LSM2: variants seen among roughly 807,000 people sequenced by gnomAD.
The protein encoded by LSM2 is LSM2 homolog, U6 small nuclear RNA and mRNA degradation associated.
LSM2 carries 12 observed loss-of-function variants against 17.0 expected under a neutral mutation model. That is an observed-to-expected ratio of 0.70 (90% CI 0.45 to 1.14). The LOEUF is 1.14. Among genes scored for constraint, LSM2 ranks in the 50% most tolerant of loss-of-function variants. The pLI is 0.00. For synonymous variants in LSM2, 42 were observed against 44.5 expected, an observed-to-expected ratio of 0.94 and a Z score of 0.22; for missense variants, 62 against 111.8, an observed-to-expected ratio of 0.55 and a Z score of 2.01.
At chr6:31,805,939 A>T in intron 2 of LSM2, 136 bp downstream of exon 2, 1 of 744,400 alleles carries the variant, frequency 1.3e-6, no homozygotes, top group Non-Finnish European at 2.2e-6. Flanking sequence ...TACAGGCTTG[A>T]GCCACTGCAC....
rs1423426654 is a variant in LSM2, at chr6:31,806,743, C to T, written c.3+12G>A. 1.2e-6 allele frequency: 2 copies of T among 1,610,202 alleles called. No individual in the cohort carries two copies. Among genetic ancestry groups the T allele is most frequent in the Non-Finnish European group, 1.7e-6 (2 of 1,178,938 alleles). ...CCCCGAGGGCGCCCCCTTTTGACGT[C>T]ACGGTACCCACCATGGTGCTGGCGC... On this transcript the variant is annotated intron_variant, in intron 1 of 4. Transcript: ENST00000375661.
rs1466301684 is a variant in LSM2, at chr6:31,798,028, CAGTT to C, written c.120_123del (p.Asp42SerfsTer15). On this transcript the variant is annotated frameshift_variant, in exon 4 of 5. Coordinates refer to ENST00000375661, the MANE Select transcript of LSM2 (RefSeq NM_021177.5). LOFTEE classifies it high-confidence loss of function. ...TTCTCAGGGTCTGTGACACTGATGT[CAGTT>C]AGTTTGATGTTGAGATACTAGGAAA... 2 of 1,602,246 alleles carry C rather than the reference CAGTT, an allele frequency of 1.2e-6. No individual in the cohort carries two copies. The highest frequency in any genetic ancestry group is 8.5e-7 in the Non-Finnish European group (1 of 1,175,770).
At chr6:31,802,280 A>T (rs1233849379) in intron 2 of LSM2, among the ~76,000 whole-genome samples, 1 of 151,318 alleles carries the variant, frequency 6.6e-6, no homozygotes, top group Non-Finnish European at 1.5e-5. Flanking sequence ...ACCCCATCTC[A>T]AACAAAAATA....
intron 2 of LSM2, among the ~76,000 whole-genome samples, chr6:31,799,285 G>A (rs1814563273): frequency 6.6e-6 from 1 of 152,074 alleles, no homozygotes; most frequent in South Asian, 2.1e-4. Flanking sequence ...GGCCAAGGCT[G>A]GAGTGAAATG....
At chr6:31,805,190 G>A (rs922899209) in intron 2 of LSM2, among the ~76,000 whole-genome samples, 3 of 151,436 alleles carry the variant, frequency 2.0e-5, no homozygotes, top group East Asian at 1.9e-4. Context: ...TCAGCCTCCC[G>A]AATAGCTGAG....
chr6:31,798,618 G>A (rs529532783), intron 2 of LSM2, 111 bp from the exon 3 acceptor site: 1 of 1,267,570 alleles, frequency 7.9e-7, no homozygotes, highest in East Asian at 2.4e-5. Context: ...AGGACTTGAG[G>A]ATGTCAGAAA....
rs1814438254 is a variant in LSM2, at chr6:31,797,453, TCA to T, written c.*302_*303del. ...CAGATTCCTTCCATCCCCAAATGAA[TCA>T]CATGCTGCCCTGGAAAGACCTAGGA... On this transcript the variant is annotated 3_prime_UTR_variant, in exon 5 of 5. Transcript: ENST00000375661. 2.8e-6 allele frequency: 1 copy of T among 353,454 alleles called. No individual in the cohort carries two copies. Among genetic ancestry groups the T allele is most frequent in the Admixed American group, 4.3e-5 (1 of 23,130 alleles). 21.9% of individuals were successfully genotyped at this position (353,454 alleles called of 1,614,324 possible).
intron 2 of LSM2, among the ~76,000 whole-genome samples, chr6:31,803,339 G>A (rs1033315243): frequency 1.3e-5 from 2 of 152,066 alleles, no homozygotes; most frequent in African/African-American, 2.4e-5. Flanking sequence ...GACTAGCCTC[G>A]GCAACACAGT....
intron 4 of LSM2, 21 bp from the exon 5 acceptor site, chr6:31,797,903 A>C (rs755557127): frequency 6.2e-7 from 1 of 1,612,850 alleles, no homozygotes; most frequent in Admixed American, 1.7e-5. Flanking sequence ...ATGGACAAAT[A>C]TGAAAACACC....
chr6:31,804,763 CTTTTT>C (rs9279424), intron 2 of LSM2, among the ~76,000 whole-genome samples: 13 of 104,906 alleles, frequency 1.2e-4, no homozygotes, highest in African/African-American at 4.6e-4. Context: ...TCTTTTTTTT[CTTTTT>C]TTTTTTTTTT....
intron 2 of LSM2, among the ~76,000 whole-genome samples, chr6:31,800,880 C>T (rs960733233): frequency 3.4e-5 from 5 of 148,036 alleles, no homozygotes; most frequent in African/African-American, 7.5e-5. Flanking sequence ...AGCAAGACTC[C>T]GTCTCAAAAA....
chr6:31,799,256 C>T (rs1814561976), intron 2 of LSM2, among the ~76,000 whole-genome samples: 2 of 151,770 alleles, frequency 1.3e-5, no homozygotes, highest in Admixed American at 1.3e-4. Flanking sequence ...TTTATTTTTG[C>T]GACAGGGTCT....
intron 2 of LSM2, among the ~76,000 whole-genome samples, chr6:31,800,932 T>G (rs1247057988): frequency 6.6e-6 from 1 of 151,346 alleles, no homozygotes; most frequent in African/African-American, 2.4e-5. Flanking sequence ...GGTGTGCACC[T>G]GTAATCCCAG....
chr6:31,804,150 C>T (rs901717381), intron 2 of LSM2, among the ~76,000 whole-genome samples: 5 of 152,002 alleles, frequency 3.3e-5, no homozygotes, highest in East Asian at 1.9e-4. Context: ...ATCACAAGGT[C>T]GAGAGTTCAA....
chr6:31,801,009 T>C (rs1182168188), intron 2 of LSM2, among the ~76,000 whole-genome samples: 4 of 149,558 alleles, frequency 2.7e-5, no homozygotes, highest in Admixed American at 2.0e-4. Flanking sequence ...AAAAATAAAA[T>C]ATAAAAATAC....
In LSM2 at chr6:31,804,763, C is replaced by CTTTTTTTTTT. The variant is rs9279424; in HGVS notation, c.71+1302_71+1311dup. Among the ~76,000 whole-genome samples the CTTTTTTTTTT allele has an allele frequency of 1.2e-3, 121 of 104,818 alleles. 1 individual carries two copies. Among genetic ancestry groups the CTTTTTTTTTT allele is most frequent in the East Asian group, 1.8e-3 (6 of 3,422 alleles). The allele number at this position is 104,818 out of a possible 152,430, so 68.8% of individuals were successfully genotyped here. On this transcript the variant is annotated intron_variant, in intron 2 of 4. Coordinates refer to ENST00000375661, the MANE Select transcript of LSM2 (RefSeq NM_021177.5). ...CGGCCTATGGCCTGTTCTTTTTTTT[C>CTTTTTTTTTT]TTTTTTTTTTTTTTTTTTTTTGAGA...
At chr6:31,801,224 T>G (rs1263674872) in intron 2 of LSM2, among the ~76,000 whole-genome samples, 1 of 150,980 alleles carries the variant, frequency 6.6e-6, no homozygotes, top group Non-Finnish European at 1.5e-5. Flanking sequence ...GGAAATTAAT[T>G]TAAATGAACT....
At chr6:31,803,453 C>T (rs1814831531) in intron 2 of LSM2, among the ~76,000 whole-genome samples, 3 of 151,838 alleles carry the variant, frequency 2.0e-5, no homozygotes, top group Admixed American at 6.6e-5. Context: ...CACTGCACTA[C>T]AGCCTGGACA....
intron 2 of LSM2, among the ~76,000 whole-genome samples, chr6:31,805,179 C>G (rs1008459008): frequency 1.3e-5 from 2 of 152,038 alleles, no homozygotes; most frequent in Non-Finnish European, 2.9e-5. Flanking sequence ...ATCCTCCCAC[C>G]TCAGCCTCCC....
Sources: gnomAD v4.1 joint callset for allele counts (sites outside exome capture counted in the v4.1 genomes callset) on GRCh38, gnomAD v4.1.1 for gene constraint, MANE v1.5 for transcripts, NCBI Gene and HGNC (gene_info 2026-07-23, HGNC 2026-07-21) for gene names.